The following PID1 variants were observed in gnomAD, a reference collection of about 807,000 sequenced individuals.
PID1 encodes phosphotyrosine interaction domain containing 1, also known as PTB-containing, cubilin and LRP1-interacting protein.
A neutral mutation model predicts 19.1 loss-of-function variants in PID1; 10 were observed. The observed-to-expected ratio is 0.52, with a 90% CI of 0.32 to 0.89. The LOEUF (loss-of-function observed/expected upper bound fraction) is 0.89. Ranked by LOEUF, PID1 falls within the 40% of genes least tolerant of loss-of-function variation. PID1 has a pLI of 0.03. For synonymous variants in PID1, 130 were observed against 116.0 expected, an observed-to-expected ratio of 1.12 and a Z score of -0.78; for missense variants, 248 against 285.3, an observed-to-expected ratio of 0.87 and a Z score of 0.94.
intron 2 of PID1, among the ~76,000 whole-genome samples, chr2:229,031,215 C>CAAA (rs3083804): frequency 2.8e-4 from 19 of 68,424 alleles, no homozygotes; most frequent in East Asian, 2.1e-3. Context: ...GACTCTGTCT[C>CAAA]AAAAAAAAAA....
chr2:229,177,108 T>A (rs1209193779), intron 1 of PID1, among the ~76,000 whole-genome samples: 1 of 152,154 alleles, frequency 6.6e-6, no homozygotes, highest in African/African-American at 2.4e-5. Flanking sequence ...AGCCATCAGA[T>A]CTCATGAGAC....
At chr2:229,067,635 T>C (rs1343715132) in intron 2 of PID1, among the ~76,000 whole-genome samples, 1 of 152,078 alleles carries the variant, frequency 6.6e-6, no homozygotes, top group South Asian at 2.1e-4. Context: ...CCCTGCCCAT[T>C]ACCAATCCTC....
intron 2 of PID1, among the ~76,000 whole-genome samples, chr2:229,113,046 G>A (rs1695331161): frequency 6.6e-6 from 1 of 152,128 alleles, no homozygotes; most frequent in South Asian, 2.1e-4. Context: ...CTCTATGTGA[G>A]AGTAAAGTAG....
At chr2:229,258,560 C>A (rs1690365627) in intron 1 of PID1, among the ~76,000 whole-genome samples, 1 of 152,148 alleles carries the variant, frequency 6.6e-6, no homozygotes, top group African/African-American at 2.4e-5. Context: ...ACATTTTTAA[C>A]AGCTCTGTAT....
intron 1 of PID1, among the ~76,000 whole-genome samples, chr2:229,222,864 AACACAC>A (rs72386398): frequency 2.9e-3 from 303 of 103,974 alleles, no homozygotes; most frequent in African/African-American, 0.011. Context: ...TTCACACACA[AACACAC>A]ACACACACAC....
intron 2 of PID1, among the ~76,000 whole-genome samples, chr2:229,111,264 G>A (rs1044980816): frequency 6.6e-6 from 1 of 152,182 alleles, no homozygotes; most frequent in African/African-American, 2.4e-5. Context: ...GGATGGCAAA[G>A]GAGCAGCGAT....
In PID1 at chr2:229,156,095, G is replaced by A. The variant is rs1345568876; in HGVS notation, c.31-131C>T. The A allele has an allele frequency of 2.6e-5, 19 of 719,674 alleles. 1 individual carries two copies. The South Asian group carries it at 2.8e-4, about 11-fold the overall frequency. 44.6% of individuals were successfully genotyped at this position (719,674 alleles called of 1,614,324 possible). A position where few individuals can be genotyped will look rare whatever the true frequency, so the allele number is the denominator to read the frequency against. ...ATTAGGGGAGGCCAAGAGATATTTA[G>A]TAAAACAGAGGAGGGGGAACTGTGT... On this transcript the variant is annotated intron_variant, in intron 1 of 2. Coordinates refer to ENST00000392055, the MANE Select transcript of PID1 (RefSeq NM_001100818.2).
chr2:229,259,708 T>C (rs1329819516), intron 1 of PID1, among the ~76,000 whole-genome samples: 1 of 152,244 alleles, frequency 6.6e-6, no homozygotes, highest in African/African-American at 2.4e-5. Flanking sequence ...ACTATTATCC[T>C]TTCTTCAGTC....
intron 1 of PID1, among the ~76,000 whole-genome samples, chr2:229,210,525 CAAAA>C (rs1170895327): frequency 2.3e-3 from 36 of 15,540 alleles, no homozygotes; most frequent in African/African-American, 9.1e-3. Context: ...AGTTTTGTCT[CAAAA>C]AAAAAAAAAA....
intron 2 of PID1, among the ~76,000 whole-genome samples, chr2:229,079,911 G>C (rs1042756912): frequency 5.9e-5 from 9 of 152,218 alleles, no homozygotes; most frequent in Non-Finnish European, 1.3e-4. Flanking sequence ...CATGGCAGGG[G>C]AGGAAGGAGA....
intron 1 of PID1, among the ~76,000 whole-genome samples, chr2:229,168,264 T>A (rs1464261904): frequency 6.6e-6 from 1 of 152,076 alleles, no homozygotes; most frequent in Admixed American, 6.6e-5. Flanking sequence ...TCCATCCCAT[T>A]CTCTCTTCTC....
intron 1 of PID1, among the ~76,000 whole-genome samples, chr2:229,239,582 TA>T (rs1419309871): frequency 6.6e-6 from 1 of 152,022 alleles, no homozygotes; most frequent in African/African-American, 2.4e-5. Context: ...GATTTAGGAA[TA>T]GGGGATGGAA....
intron 1 of PID1, among the ~76,000 whole-genome samples, chr2:229,266,872 G>A (rs1325596534): frequency 6.6e-6 from 1 of 152,182 alleles, no homozygotes; most frequent in Non-Finnish European, 1.5e-5. Context: ...TGCTCCTTTT[G>A]TCAATTTGGT....
At chr2:229,153,955 C>A (rs766640908) in intron 2 of PID1, among the ~76,000 whole-genome samples, 20 of 152,066 alleles carry the variant, frequency 1.3e-4, no homozygotes, top group Non-Finnish European at 2.2e-4. Flanking sequence ...ATTAATAAAT[C>A]TCCTGAAGAA....
At chr2:229,126,902 C>T (rs1488739068) in intron 2 of PID1, among the ~76,000 whole-genome samples, 1 of 152,190 alleles carries the variant, frequency 6.6e-6, no homozygotes, top group Non-Finnish European at 1.5e-5. Context: ...CTTGCTCATG[C>T]AACACTCTAA....
chr2:229,097,318 G>A (rs775617721), intron 2 of PID1, among the ~76,000 whole-genome samples: 2 of 152,162 alleles, frequency 1.3e-5, no homozygotes, highest in Non-Finnish European at 2.9e-5. Flanking sequence ...AGCTTTGAAT[G>A]CATTAAAGAA....
intron 2 of PID1, among the ~76,000 whole-genome samples, chr2:229,117,740 A>C (rs190322189): frequency 6.6e-5 from 10 of 152,134 alleles, no homozygotes; most frequent in African/African-American, 2.4e-4. Flanking sequence ...TTGCTGCCTC[A>C]AGATTTTTGC....
At chr2:229,266,984 T>A (rs541075205) in intron 1 of PID1, among the ~76,000 whole-genome samples, 1 of 152,286 alleles carries the variant, frequency 6.6e-6, no homozygotes, top group South Asian at 2.1e-4. Context: ...GTCTCACTTC[T>A]CAGGGGAAAA....
chr2:229,224,446 C>G (rs1245430929), intron 1 of PID1, among the ~76,000 whole-genome samples: 2 of 152,136 alleles, frequency 1.3e-5, no homozygotes, highest in Non-Finnish European at 2.9e-5. Flanking sequence ...GGGTGTCTCT[C>G]CATCTATTAA....
Sources: gnomAD v4.1 joint callset for allele counts (sites outside exome capture counted in the v4.1 genomes callset) on GRCh38, gnomAD v4.1.1 for gene constraint, MANE v1.5 for transcripts, NCBI Gene and HGNC (gene_info 2026-07-23, HGNC 2026-07-21) for gene names.